The following TLE4 variants were observed in gnomAD, a reference collection of about 807,000 sequenced individuals.
TLE4 encodes the protein transducin-like enhancer protein 4.
A neutral mutation model predicts 92.8 loss-of-function variants in TLE4; 8 were observed. The ratio of observed to expected loss-of-function variants is 0.09; its 90% CI spans 0.05 to 0.16. The LOEUF is 0.16. TLE4 is among the 10% of genes least tolerant of loss of function. The pLI is 1.00. For synonymous variants in TLE4, 371 were observed against 374.1 expected (o/e 0.99, Z 0.10); for missense variants, 675 against 997.6 (o/e 0.68, Z 4.36).
chr9:79,584,001 G>T (rs1049401502), intron 4 of TLE4, among the ~76,000 whole-genome samples: 1 of 152,174 alleles, frequency 6.6e-6, no homozygotes, highest in Non-Finnish European at 1.5e-5. Context: ...TAAGAGACTA[G>T]CCCAGTGTCA....
At chr9:79,657,456 CT>C (rs886626023) in intron 8 of TLE4, among the ~76,000 whole-genome samples, 7 of 152,314 alleles carry the variant, frequency 4.6e-5, no homozygotes, top group Admixed American at 3.3e-4. Context: ...TGCCCACCCC[CT>C]CTCATTGAGG....
intron 8 of TLE4, among the ~76,000 whole-genome samples, chr9:79,700,243 T>G (rs1011726195): frequency 6.6e-6 from 1 of 152,252 alleles, no homozygotes; most frequent in African/African-American, 2.4e-5. Context: ...AAGTGAAGAC[T>G]CTAGACTCAC....
At chr9:79,722,858 T>C (rs2075859357) in intron 18 of TLE4, 101 bp from the exon 19 acceptor site, 1 of 1,133,978 alleles carries the variant, frequency 8.8e-7, no homozygotes, top group Non-Finnish European at 1.3e-6. Context: ...TTTTTACAAA[T>C]GGATGAGTTT....
chr9:79,615,630 T>C (rs1588090221), intron 5 of TLE4, among the ~76,000 whole-genome samples: 3 of 149,480 alleles, frequency 2.0e-5, no homozygotes, highest in African/African-American at 7.6e-5. Flanking sequence ...GTTTACCGCA[T>C]TTTTTTAAAC....
chr9:79,656,550 T>A (rs1784871373), intron 8 of TLE4, among the ~76,000 whole-genome samples: 2 of 152,280 alleles, frequency 1.3e-5, no homozygotes, highest in South Asian at 2.1e-4. Flanking sequence ...GTGCCTGAAA[T>A]TTTTTATAGC....
chr9:79,719,180 T>C (rs2075140086), intron 15 of TLE4, among the ~76,000 whole-genome samples: 1 of 152,140 alleles, frequency 6.6e-6, no homozygotes, highest in Admixed American at 6.5e-5. Context: ...ATGTGCACCA[T>C]ACTGATTTCA....
At chr9:79,642,068 C>G (rs111670668) in intron 6 of TLE4, among the ~76,000 whole-genome samples, 1,716 of 151,684 alleles carry the variant, frequency 0.011, 19 homozygotes, top group African/African-American at 0.037. Flanking sequence ...TAGACACACA[C>G]ACATATGCAC....
intron 6 of TLE4, among the ~76,000 whole-genome samples, chr9:79,632,722 G>C (rs2054632309): frequency 6.6e-6 from 1 of 152,040 alleles, no homozygotes; most frequent in Non-Finnish European, 1.5e-5. Context: ...GATTACTATT[G>C]GTATTTTCTA....
chr9:79,669,058 T>C (rs886561611), intron 8 of TLE4, among the ~76,000 whole-genome samples: 3 of 152,192 alleles, frequency 2.0e-5, no homozygotes, highest in African/African-American at 7.2e-5. Flanking sequence ...TTTGTGCATG[T>C]ATTTTCCCTA....
At chr9:79,647,983 G>A (rs989748394) in intron 6 of TLE4, among the ~76,000 whole-genome samples, 2 of 151,834 alleles carry the variant, frequency 1.3e-5, no homozygotes, top group African/African-American at 2.4e-5. Flanking sequence ...AGTACTCTGT[G>A]GGTGTGTGTT....
intron 4 of TLE4, among the ~76,000 whole-genome samples, chr9:79,583,070 A>G (rs2040123761): frequency 6.6e-6 from 1 of 152,152 alleles, no homozygotes; most frequent in Non-Finnish European, 1.5e-5. Flanking sequence ...TTGCCTTAGT[A>G]ATAGCTCTCA....
intron 14 of TLE4, among the ~76,000 whole-genome samples, chr9:79,714,245 C>T (rs2074007883): frequency 6.6e-6 from 1 of 152,204 alleles, no homozygotes; most frequent in Admixed American, 6.5e-5. Flanking sequence ...TAATGGCACA[C>T]TCCCTTTATC....
At chr9:79,690,077 A>T (rs6559491) in intron 8 of TLE4, among the ~76,000 whole-genome samples, 25,998 of 151,340 alleles carry the variant, frequency 0.17, 2,575 homozygotes, top group African/African-American at 0.26. Context: ...CCATGACCCC[A>T]TCCCAGATTT....
At chr9:79,683,613 A>G (rs570480205) in intron 8 of TLE4, among the ~76,000 whole-genome samples, 1 of 152,342 alleles carries the variant, frequency 6.6e-6, no homozygotes, top group East Asian at 1.9e-4. Flanking sequence ...ATCAACATAC[A>G]ACTTTTTATA....
intron 5 of TLE4, among the ~76,000 whole-genome samples, chr9:79,615,147 A>C (rs2049237647): frequency 6.6e-6 from 1 of 151,732 alleles, no homozygotes; most frequent in African/African-American, 2.4e-5. Flanking sequence ...TGAGCATTGG[A>C]CTCCTTGCTT....
chr9:79,573,522 C>A, intron 1 of TLE4, 167 bp from the exon 2 acceptor site: 1 of 826,342 alleles, frequency 1.2e-6, no homozygotes, highest in Non-Finnish European at 1.7e-6. Context: ...CCAGCCTCTG[C>A]CTGGGCTGTT....
intron 6 of TLE4, among the ~76,000 whole-genome samples, chr9:79,648,648 G>A (rs1160719579): frequency 6.6e-6 from 1 of 152,194 alleles, no homozygotes; most frequent in Non-Finnish European, 1.5e-5. Flanking sequence ...CATGTGAGGT[G>A]ATGAGTCTGG....
chr9:79,659,701 T>A (rs2134405151), intron 8 of TLE4, among the ~76,000 whole-genome samples: 1 of 152,192 alleles, frequency 6.6e-6, no homozygotes. Context: ...ACTCTTCCCC[T>A]CAAGAAGCTA....
In TLE4 at chr9:79,572,717, C is replaced by CG; in HGVS notation, c.-73dup. 4 of 1,517,502 alleles carry CG rather than the reference C, an allele frequency of 2.6e-6. No individual in the cohort carries two copies. The South Asian group carries it at 4.7e-5, about 18-fold the overall frequency. 94.0% of individuals were successfully genotyped at this position (1,517,502 alleles called of 1,614,324 possible). On this transcript the variant is annotated 5_prime_UTR_variant, in exon 1 of 20. It removes the in-frame stop codon of an upstream open reading frame in the 5' UTR. Transcript: ENST00000376552. Reference sequence around the variant, plus strand: ...AGCCGGCCGCCTCCGCTGCCGCGGCCGCCTCCTCTTCGGGGTCATTAAAGC... The same window carrying CG: ...AGCCGGCCGCCTCCGCTGCCGCGGCCGGCCTCCTCTTCGGGGTCATTAAAGC...
Sources: gnomAD v4.1 joint callset for allele counts (sites outside exome capture counted in the v4.1 genomes callset) on GRCh38, gnomAD v4.1.1 for gene constraint, MANE v1.5 for transcripts, NCBI Gene and HGNC (gene_info 2026-07-23, HGNC 2026-07-21) for gene names.